The following UTP4 variants were observed in gnomAD, a reference collection of about 807,000 sequenced individuals.
UTP4 encodes the protein U3 small nucleolar RNA-associated protein 4 homolog.
UTP4 carries 45 observed loss-of-function variants against 82.4 expected under a neutral mutation model. The observed-to-expected ratio is 0.55, with a 90% confidence interval of 0.43 to 0.70. The LOEUF (loss-of-function observed/expected upper bound fraction) is 0.70, where lower values mean the gene tolerates loss of function less well. UTP4 is among the 30% of genes least tolerant of loss of function. UTP4 has a pLI of 0.00. For synonymous variants in UTP4, 348 were observed against 300.3 expected, an observed-to-expected ratio of 1.16 and a Z score of -1.64; for missense variants, 819 against 858.3, an observed-to-expected ratio of 0.95 and a Z score of 0.57.
chr16:69,154,301 T>G, intron 9 of UTP4, 92 bp from the exon 10 acceptor site: 1 of 991,740 alleles, frequency 1.0e-6, no homozygotes, highest in Non-Finnish European at 1.6e-6. Context: ...CTGATAGAGA[T>G]TCCATTTTTC....
intron 8 of UTP4, among the ~76,000 whole-genome samples, chr16:69,151,803 G>T (rs1456857254): frequency 6.6e-6 from 1 of 151,570 alleles, no homozygotes; most frequent in Non-Finnish European, 1.5e-5. Context: ...CCAAATAGTT[G>T]TGGGTTATGG....
At chr16:69,154,976 T>TC (rs1963373026) in intron 10 of UTP4, among the ~76,000 whole-genome samples, 1 of 152,098 alleles carries the variant, frequency 6.6e-6, no homozygotes, top group Non-Finnish European at 1.5e-5. Flanking sequence ...CGCCTTGGCC[T>TC]CCCAAAGTGC....
intron 6 of UTP4, among the ~76,000 whole-genome samples, chr16:69,144,586 T>TTG (rs1477636959): frequency 6.6e-6 from 1 of 152,228 alleles, no homozygotes; most frequent in Non-Finnish European, 1.5e-5. Flanking sequence ...GAAAGTGACT[T>TTG]TATTTGTTGA....
rs1304538253 is a variant in UTP4, at chr16:69,168,939, A to G, written c.*2A>G. On this transcript the variant is annotated 3_prime_UTR_variant, in exon 17 of 17. Transcript: ENST00000314423. ...AAAAAGAAGAAATTTGGAACCTAAA[A>G]CAGGGCACTGTCTGTGTCCTTCCTT... 2.6e-6 allele frequency: 4 copies of G among 1,563,478 alleles called. No individual in the cohort carries two copies. The highest frequency in any genetic ancestry group is 1.1e-5 in the South Asian group (1 of 90,074).
chr16:69,164,341 C>T (rs1473756638), intron 14 of UTP4, among the ~76,000 whole-genome samples: 2 of 151,994 alleles, frequency 1.3e-5, no homozygotes, highest in African/African-American at 4.8e-5. Flanking sequence ...CCCCATGACA[C>T]CTTTTACTGG....
At chr16:69,138,425 A>G (rs1371419210) in intron 4 of UTP4, among the ~76,000 whole-genome samples, 1 of 152,012 alleles carries the variant, frequency 6.6e-6, no homozygotes, top group African/African-American at 2.4e-5. Flanking sequence ...TTTAGTAGAG[A>G]CAGGATTTCA....
At chr16:69,140,028 C>G in intron 5 of UTP4, 114 bp downstream of exon 5, 3 of 787,212 alleles carry the variant, frequency 3.8e-6, no homozygotes, top group Non-Finnish European at 6.9e-6. Flanking sequence ...CCTAACATGT[C>G]ATTAATCTTC....
In UTP4 at chr16:69,151,480, C is replaced by T. The variant is rs1397384432; in HGVS notation, c.1002+576C>T. Among the ~76,000 whole-genome samples the T allele has an allele frequency of 2.0e-5, 3 of 151,984 alleles. No individual in the cohort carries two copies. In the East Asian group the frequency reaches 5.8e-4, roughly 29 times the overall value. ...GGGACTACAGGTGCCCACCACCACG[C>T]CCGGCTAATTTTTTTATTTTTAGTA... is the stretch of plus-strand genomic sequence containing the variant. On this transcript the variant is annotated intron_variant, in intron 8 of 16. Coordinates refer to ENST00000314423, the MANE Select transcript of UTP4 (RefSeq NM_032830.3).
In UTP4 at chr16:69,133,609, T is replaced by C. The variant is rs1962717271; in HGVS notation, c.150T>C (p.Phe50=). The C allele has an allele frequency of 1.2e-6, 2 of 1,614,030 alleles. No homozygotes were observed. The highest frequency in any genetic ancestry group is 1.7e-6 in the Non-Finnish European group (2 of 1,180,006). Residue 50 remains phenylalanine, a synonymous_variant, in exon 2 of 17, where the codon TTT becomes TTC. Coordinates refer to ENST00000314423, the MANE Select transcript of UTP4 (RefSeq NM_032830.3). ...TTTATAACTTGTCAGCAAACTACTT[T>C]CAGGAGAAAGTAAGTCATTTGGGAG... ...VEIYNLSANY[F]QEKFFPGHES...
chr16:69,139,720 C>G (rs1181523865), intron 4 of UTP4, 105 bp from the exon 5 acceptor site: 4 of 762,130 alleles, frequency 5.2e-6, no homozygotes, highest in Non-Finnish European at 7.2e-6. Flanking sequence ...GATGAGAGAG[C>G]TAAGATTGTA....
intron 5 of UTP4, 148 bp from the exon 6 acceptor site, chr16:69,143,030 T>G (rs1187108150): frequency 2.2e-5 from 17 of 777,454 alleles, no homozygotes; most frequent in South Asian, 2.1e-4. Flanking sequence ...GGGTTTGTTA[T>G]GTTGTTTCGT....
intron 12 of UTP4, among the ~76,000 whole-genome samples, chr16:69,157,690 G>A (rs1378997465): frequency 6.6e-6 from 1 of 151,890 alleles, no homozygotes; most frequent in Non-Finnish European, 1.5e-5. Context: ...GACCTCTTGG[G>A]CTCAAGTTAT....
At chr16:69,162,974 C>T in intron 13 of UTP4, 109 bp from the exon 14 acceptor site, 3 of 885,748 alleles carry the variant, frequency 3.4e-6, no homozygotes, top group Non-Finnish European at 5.8e-6. Context: ...CCCTAGAACC[C>T]TTTTGAATTA....
At chr16:69,136,435 C>G (rs1962817047) in intron 2 of UTP4, among the ~76,000 whole-genome samples, 4 of 152,206 alleles carry the variant, frequency 2.6e-5, no homozygotes, top group Admixed American at 2.6e-4. Flanking sequence ...ACTCTGTCGT[C>G]CAGGCTGGAA....
chr16:69,137,994 A>C, intron 4 of UTP4, 109 bp downstream of exon 4: 1 of 766,650 alleles, frequency 1.3e-6, no homozygotes, highest in Non-Finnish European at 2.3e-6. Flanking sequence ...TTTTATCTCT[A>C]CTGGGTACAG....
rs772608960 is a variant in UTP4, at chr16:69,143,178, G to A, written c.527G>A (p.Gly176Asp). ...AAGGTGTGCTTTTCTGATTTTTCAGGCAGCGCTGTTCATAAGATGATTGTG... is the reference window on the plus strand; with the variant it reads ...AAGGTGTGCTTTTCTGATTTTTCAGACAGCGCTGTTCATAAGATGATTGTG... ...DYISVFDVKS[G>D]SAVHKMIVDR... The change falls in exon 6 of 17, where the codon GGC (glycine) becomes GAC (aspartate). Residue 176 changes from glycine to aspartate, a missense_variant and splice_region_variant. By Grantham distance (94) the Gly-to-Asp change is moderately conservative (BLOSUM62 -1). Transcript: ENST00000314423. 4.3e-6 allele frequency: 7 copies of A among 1,613,972 alleles called. No individual in the cohort carries two copies. In the East Asian group the frequency reaches 6.7e-5, roughly 15 times the overall value.
At chr16:69,166,915 T>G (rs539222522) in intron 15 of UTP4, 160 bp from the exon 16 acceptor site, 1 of 626,718 alleles carries the variant, frequency 1.6e-6, no homozygotes, top group South Asian at 1.9e-5. Context: ...ATAGAGGTAT[T>G]ATGGCTACAG....
chr16:69,159,994 AAAAC>A (rs1963522400), intron 12 of UTP4, among the ~76,000 whole-genome samples: 2 of 152,010 alleles, frequency 1.3e-5, no homozygotes, highest in African/African-American at 2.4e-5. Flanking sequence ...CAAAAAAAAA[AAAAC>A]AAAAAACAGA....
chr16:69,155,834 T>TGG (rs762435305), intron 10 of UTP4, 37 bp from the exon 11 acceptor site: 2 of 1,613,900 alleles, frequency 1.2e-6, no homozygotes, highest in East Asian at 4.5e-5. Context: ...TATGTGAAGT[T>TGG]TAATTGCACA....
Sources: allele counts gnomAD v4.1 joint callset (sites outside exome capture counted in the v4.1 genomes callset), GRCh38; gene constraint gnomAD v4.1.1; transcripts MANE v1.5; gene names NCBI Gene and HGNC (gene_info 2026-07-23, HGNC 2026-07-21).